The following INPP4B variants were observed in gnomAD, a reference collection of about 807,000 sequenced individuals.
The protein encoded by INPP4B is inositol polyphosphate 4-phosphatase type II.
A neutral mutation model predicts 122.5 loss-of-function variants in INPP4B; 55 were observed. The ratio of observed to expected loss-of-function variants is 0.45; its 90% CI spans 0.36 to 0.56. The LOEUF (loss-of-function observed/expected upper bound fraction) is 0.56. Ranked by LOEUF, INPP4B falls within the 20% of genes least tolerant of loss-of-function variation. The pLI is 0.00. For missense variants in INPP4B, 1,000 were observed against 1,097.7 expected (o/e 0.91, Z 1.26); for synonymous variants, 403 against 388.7 (o/e 1.04, Z -0.43).
In INPP4B at chr4:142,628,999, C is replaced by T. The variant is rs190206690; in HGVS notation, c.-191+96840G>A. 4.0e-4 allele frequency among the ~76,000 whole-genome samples: 61 copies of T among 152,174 alleles called. 1 individual carries two copies. The East Asian group carries it at 0.01, about 26-fold the overall frequency. On this transcript the variant is annotated intron_variant, in intron 2 of 25. Coordinates refer to ENST00000262992, the MANE Select transcript of INPP4B (RefSeq NM_001101669.3). Reference sequence around the variant, plus strand: ...TTTTATTTATTCTTCTCTATTCTCACCCATTTTTTATGGAAGCACTTTCCA... The same window carrying T: ...TTTTATTTATTCTTCTCTATTCTCATCCATTTTTTATGGAAGCACTTTCCA...
Position 142,215,692 on chromosome 4 carries a change from G to A in INPP4B, c.837-6666C>T, listed in dbSNP as rs188223485. 4.9e-3 allele frequency among the ~76,000 whole-genome samples: 741 copies of A among 151,938 alleles called. 10 individuals are homozygous for A. Among genetic ancestry groups the A allele is most frequent in the African/African-American group, 0.017 (708 of 41,442 alleles). ...GCAGATCACGAGGTCAGGAGATTGA[G>A]ACCATCCTGGCTAACATGGTGAATC... On this transcript the variant is annotated intron_variant, in intron 12 of 25. Coordinates refer to ENST00000262992, the MANE Select transcript of INPP4B (RefSeq NM_001101669.3).
chr4:142,544,021 G>T (rs1001662660), intron 2 of INPP4B, among the ~76,000 whole-genome samples: 3 of 152,012 alleles, frequency 2.0e-5, no homozygotes, highest in African/African-American at 7.2e-5. Context: ...AGAGGAATAT[G>T]TGTGGAAGTT....
intron 16 of INPP4B, among the ~76,000 whole-genome samples, chr4:142,161,721 C>T (rs1820193611): frequency 6.6e-6 from 1 of 151,800 alleles, no homozygotes; most frequent in African/African-American, 2.4e-5. Context: ...AAGCCCCATG[C>T]AAAACAGGTG....
chr4:142,322,929 G>A (rs1464465469), intron 7 of INPP4B, among the ~76,000 whole-genome samples: 5 of 152,164 alleles, frequency 3.3e-5, no homozygotes, highest in African/African-American at 9.7e-5. Context: ...CTAATGTGAA[G>A]CCAAAGTTAG....
At chr4:142,527,490 T>C (rs952328817) in intron 2 of INPP4B, among the ~76,000 whole-genome samples, 5 of 152,112 alleles carry the variant, frequency 3.3e-5, no homozygotes, top group Non-Finnish European at 7.4e-5. Flanking sequence ...CTTGGACTAG[T>C]GGACAGTGAA....
At chr4:142,393,252 A>G (rs938891717) in intron 7 of INPP4B, among the ~76,000 whole-genome samples, 4 of 152,288 alleles carry the variant, frequency 2.6e-5, no homozygotes, top group African/African-American at 9.6e-5. Flanking sequence ...AAAAAAAAAA[A>G]TTATGGGAGG....
At chr4:142,546,324 A>C (rs1314086525) in intron 2 of INPP4B, among the ~76,000 whole-genome samples, 1 of 152,096 alleles carries the variant, frequency 6.6e-6, no homozygotes, top group East Asian at 1.9e-4. Context: ...CATTTACTTT[A>C]TTCAGTCTAT....
At chr4:142,306,777 A>AG (rs1220736775) in intron 8 of INPP4B, among the ~76,000 whole-genome samples, 1 of 152,318 alleles carries the variant, frequency 6.6e-6, no homozygotes, top group East Asian at 1.9e-4. Context: ...CTGGAGGCTG[A>AG]GGCAGGAGGA....
chr4:142,123,226 A>C (rs542366297), intron 20 of INPP4B, 66 bp downstream of exon 20: 2 of 1,340,226 alleles, frequency 1.5e-6, no homozygotes, highest in African/African-American at 1.5e-5. Context: ...TTTCTTGAAA[A>C]ATTTCTGGAT....
chr4:142,099,298 A>C (rs992159012), intron 23 of INPP4B, among the ~76,000 whole-genome samples: 1 of 152,144 alleles, frequency 6.6e-6, no homozygotes, highest in African/African-American at 2.4e-5. Flanking sequence ...TCCCTTTTAC[A>C]CATTTTTATG....
At chr4:142,567,470 G>T (rs907951226) in intron 2 of INPP4B, among the ~76,000 whole-genome samples, 1 of 152,244 alleles carries the variant, frequency 6.6e-6, no homozygotes, top group East Asian at 1.9e-4. Flanking sequence ...TCAGCCTTCC[G>T]ATAAAGGAAG....
At chr4:142,512,790 T>C (rs2149875571) in intron 2 of INPP4B, among the ~76,000 whole-genome samples, 1 of 152,316 alleles carries the variant, frequency 6.6e-6, no homozygotes, top group Admixed American at 6.5e-5. Context: ...TGTTGATCTA[T>C]TTCAAACTTT....
chr4:142,118,689 C>A (rs1795024572), intron 21 of INPP4B, among the ~76,000 whole-genome samples: 1 of 152,094 alleles, frequency 6.6e-6, no homozygotes, highest in Non-Finnish European at 1.5e-5. Flanking sequence ...ACCATAAAAA[C>A]CCTAGAAGAA....
At chr4:142,660,534 C>G (rs959505136) in intron 2 of INPP4B, among the ~76,000 whole-genome samples, 3 of 152,050 alleles carry the variant, frequency 2.0e-5, no homozygotes, top group Non-Finnish European at 4.4e-5. Context: ...GATGCATTTT[C>G]CAAACAGGAA....
chr4:142,827,661 G>T (rs1581008172), intron 1 of INPP4B, among the ~76,000 whole-genome samples: 1 of 152,250 alleles, frequency 6.6e-6, no homozygotes, highest in African/African-American at 2.4e-5. Flanking sequence ...TCAAACTTCA[G>T]GAAACTGAAG....
intron 25 of INPP4B, among the ~76,000 whole-genome samples, chr4:142,068,764 T>C (rs1230301302): frequency 6.6e-6 from 1 of 152,196 alleles, no homozygotes; most frequent in Non-Finnish European, 1.5e-5. Context: ...AAGGGATCAA[T>C]TCAACAAGAA....
At chr4:142,690,315 T>C (rs1036479854) in intron 2 of INPP4B, among the ~76,000 whole-genome samples, 1 of 152,204 alleles carries the variant, frequency 6.6e-6, no homozygotes, top group African/African-American at 2.4e-5. Flanking sequence ...TTTGTTCTTT[T>C]GGACTAGGGA....
At chr4:142,478,690 G>A (rs1422200448) in intron 2 of INPP4B, among the ~76,000 whole-genome samples, 2 of 151,992 alleles carry the variant, frequency 1.3e-5, no homozygotes, top group Non-Finnish European at 2.9e-5. Context: ...TCAATTTCTA[G>A]TATTTTGTTA....
chr4:142,589,806 C>T (rs4560493), intron 2 of INPP4B, among the ~76,000 whole-genome samples: 2,147 of 152,192 alleles, frequency 0.014, 40 homozygotes, highest in African/African-American at 0.041. Context: ...AGCACGTTTA[C>T]CTAGAAACTA....
Sources: gnomAD v4.1 joint callset for allele counts (sites outside exome capture counted in the v4.1 genomes callset) on GRCh38, gnomAD v4.1.1 for gene constraint, MANE v1.5 for transcripts, NCBI Gene and HGNC (gene_info 2026-07-23, HGNC 2026-07-21) for gene names.